Variants in TRPM7 observed in about 807,000 individuals in gnomAD.
The protein encoded by TRPM7 is LTRPC ion channel family member 7.
TRPM7 carries 134 observed loss-of-function variants against 229.7 expected under a neutral mutation model. The ratio of observed to expected loss-of-function variants is 0.58; its 90% CI spans 0.51 to 0.67. The LOEUF (loss-of-function observed/expected upper bound fraction) is 0.67. TRPM7 is among the 30% of genes least tolerant of loss of function. TRPM7 has a pLI of 0.00. For missense variants in TRPM7, 1,901 were observed against 2,210.0 expected (o/e 0.86, Z 2.80); for synonymous variants, 699 against 715.2 (o/e 0.98, Z 0.36).
Position 50,632,858 on chromosome 15 carries a change from A to T in TRPM7, c.1131+11T>A. The stretch of plus-strand genomic sequence containing the variant: ...TATCAGCTTTTTAAATTTCTGCTGA[A>T]ATCTACTTACAAGCTCCTTTCTTTT... On this transcript the variant is annotated intron_variant, in intron 9 of 38. Transcript: ENST00000646667. 6.6e-7 allele frequency: 1 copy of T among 1,509,494 alleles called. No homozygotes were observed. The highest frequency in any genetic ancestry group is 8.8e-7 in the Non-Finnish European group (1 of 1,136,180). 93.5% of individuals were successfully genotyped at this position (1,509,494 alleles called of 1,614,324 possible). A position where few individuals can be genotyped will look rare whatever the true frequency, so the allele number is the denominator to read the frequency against.
intron 1 of TRPM7, among the ~76,000 whole-genome samples, chr15:50,679,391 A>G (rs1042651349): frequency 6.7e-6 from 1 of 148,922 alleles, no homozygotes; most frequent in Non-Finnish European, 1.5e-5. Context: ...AGTAAGCCAT[A>G]TCAACCCATT....
At chr15:50,619,074 T>C (rs1215482043) in intron 13 of TRPM7, among the ~76,000 whole-genome samples, 1 of 152,118 alleles carries the variant, frequency 6.6e-6, no homozygotes, top group Non-Finnish European at 1.5e-5. Flanking sequence ...TCAACATCCT[T>C]TACATTGGGA....
Position 50,560,937 on chromosome 15 carries a change from T to C in TRPM7, c.*741A>G, listed in dbSNP as rs557441328. On this transcript the variant is annotated 3_prime_UTR_variant, in exon 39 of 39. Transcript: ENST00000646667. Reference sequence around the variant, plus strand: ...GTTTCTGCTTTTATAATTTAGGTTATGTATCAGTTTACCATGGCTTTCTTC... The same window carrying C: ...GTTTCTGCTTTTATAATTTAGGTTACGTATCAGTTTACCATGGCTTTCTTC... The C allele has an allele frequency of 1.7e-4, 26 of 152,768 alleles. No homozygotes were observed. The highest frequency in any genetic ancestry group is 6.3e-4 in the African/African-American group (26 of 41,580). 9.5% of individuals were successfully genotyped at this position (152,768 alleles called of 1,614,324 possible). A position where few individuals can be genotyped will look rare whatever the true frequency, so the allele number is the denominator to read the frequency against.
At chr15:50,632,525 T>A (rs1238696706) in intron 9 of TRPM7, among the ~76,000 whole-genome samples, 1 of 152,184 alleles carries the variant, frequency 6.6e-6, no homozygotes, top group Admixed American at 6.5e-5. Context: ...TTAAGCACAT[T>A]AAAAATTTTT....
In TRPM7 at chr15:50,559,497, C is replaced by CAAACAAAACAAAACAAAACA. The variant is rs139381412; in HGVS notation, c.*2161_*2180dup. On this transcript the variant is annotated 3_prime_UTR_variant, in exon 39 of 39. Transcript: ENST00000646667. The stretch of plus-strand genomic sequence containing the variant: ...CATGAGCCACCATGCCCCACCAAGA[C>CAAACAAAACAAAACAAAACA]AAACAAAACAAAACAAAACAAAACA... 1 of 149,578 alleles carries CAAACAAAACAAAACAAAACA rather than the reference C, an allele frequency of 6.7e-6. No individual in the cohort carries two copies. Among genetic ancestry groups the CAAACAAAACAAAACAAAACA allele is most frequent in the African/African-American group, 2.5e-5 (1 of 40,304 alleles). 9.3% of individuals were successfully genotyped at this position (149,578 alleles called of 1,614,324 possible).
intron 5 of TRPM7, among the ~76,000 whole-genome samples, chr15:50,640,165 AACACAC>A (rs201043701): frequency 6.6e-6 from 1 of 151,878 alleles, no homozygotes; most frequent in Admixed American, 6.6e-5. Flanking sequence ...CCATACGCAA[AACACAC>A]ACACACACAA....
intron 11 of TRPM7, among the ~76,000 whole-genome samples, chr15:50,624,905 T>C (rs2060512510): frequency 1.3e-5 from 2 of 152,208 alleles, no homozygotes; most frequent in Non-Finnish European, 2.9e-5. Flanking sequence ...CAGGCAAGAT[T>C]GTACTTAGTC....
chr15:50,585,050 ATTTTT>A (rs755433337), intron 28 of TRPM7, among the ~76,000 whole-genome samples: 2 of 95,060 alleles, frequency 2.1e-5, no homozygotes, highest in Non-Finnish European at 2.0e-5. Flanking sequence ...TAATTTTTGT[ATTTTT>A]TTTTTTTTTT....
intron 27 of TRPM7, among the ~76,000 whole-genome samples, chr15:50,587,403 T>G (rs1266994167): frequency 7.3e-6 from 1 of 137,132 alleles, no homozygotes; most frequent in African/African-American, 2.7e-5. Flanking sequence ...CAATAAATAC[T>G]GCTTTTTTTT....
At chr15:50,672,436 A>G (rs1370439802) in intron 1 of TRPM7, among the ~76,000 whole-genome samples, 1 of 151,700 alleles carries the variant, frequency 6.6e-6, no homozygotes, top group East Asian at 1.9e-4. Context: ...CACTGTTATC[A>G]TAGAAAATGA....
In TRPM7 at chr15:50,662,948, G is replaced by A. The variant is rs1475942238; in HGVS notation, c.83+19C>T. 3.2e-6 allele frequency: 5 copies of A among 1,580,930 alleles called. No homozygotes were observed. The East Asian group carries it at 8.9e-5, about 28-fold the overall frequency. On this transcript the variant is annotated intron_variant, in intron 2 of 38. Transcript: ENST00000646667. ...CTAAAATTTCTAGAAGACCCCAGAA[G>A]TAACAAAGGTGTGCTTACCTGTGAG...
Position 50,631,402 on chromosome 15 carries a change from T to C in TRPM7, c.1204+15A>G. On this transcript the variant is annotated intron_variant, in intron 10 of 38. Transcript: ENST00000646667. ...ATAAAAGGTCTTACAAATAAAAAAG[T>C]TCTTAGAGGCTTACCTTTTAGCAGT... The C allele has an allele frequency of 6.3e-7, 1 of 1,574,858 alleles. No individual in the cohort carries two copies. Among genetic ancestry groups the C allele is most frequent in the Non-Finnish European group, 8.7e-7 (1 of 1,150,406 alleles).
Position 50,605,162 on chromosome 15 carries a change from AC to A in TRPM7, c.2710-19del. The stretch of plus-strand genomic sequence containing the variant: ...ATAAAGATCTAAAGGTTTAACAACA[AC>A]AAAAAAAAGTGTAATCAGTTTATTC... On this transcript the variant is annotated intron_variant, in intron 20 of 38. Transcript: ENST00000646667. 1 of 1,552,224 alleles carries A rather than the reference AC, an allele frequency of 6.4e-7. No homozygotes were observed. The highest frequency in any genetic ancestry group is 8.7e-7 in the Non-Finnish European group (1 of 1,154,784).
intron 1 of TRPM7, among the ~76,000 whole-genome samples, chr15:50,672,059 T>C (rs1445453699): frequency 6.8e-6 from 1 of 147,984 alleles, no homozygotes; most frequent in Non-Finnish European, 1.5e-5. Flanking sequence ...TTGGTTGGTT[T>C]TTGTTTTTGT....
intron 28 of TRPM7, among the ~76,000 whole-genome samples, chr15:50,584,184 A>G (rs1258213928): frequency 2.0e-5 from 3 of 152,238 alleles, no homozygotes; most frequent in Non-Finnish European, 4.4e-5. Context: ...CAGTACAACA[A>G]AGGATAACCT....
In TRPM7 at chr15:50,612,941, C is replaced by T. The variant is rs561277961; in HGVS notation, c.1771-112G>A. 1.3e-5 allele frequency: 11 copies of T among 834,216 alleles called. No individual in the cohort carries two copies. In the African/African-American group the frequency reaches 1.7e-4, roughly 13 times the overall value. 51.7% of individuals were successfully genotyped at this position (834,216 alleles called of 1,614,324 possible). A position where few individuals can be genotyped will look rare whatever the true frequency, so the allele number is the denominator to read the frequency against. On this transcript the variant is annotated intron_variant, in intron 15 of 38. Transcript: ENST00000646667. ...CATTATTCAGCTCCATAAAACTGCA[C>T]AATAGCATAAATTTTATAAACTTGA...
At position 50,574,030 on chromosome 15, in the gene TRPM7, C is replaced by A. The variant is rs887731291; in HGVS notation, c.5308+244G>T. ...TGAGATTGCACCACTACACTCCAGCCTGGGTGACTGAGCAAGACTCCCTCT... is the reference window on the plus strand; with the variant it reads ...TGAGATTGCACCACTACACTCCAGCATGGGTGACTGAGCAAGACTCCCTCT... On this transcript the variant is annotated intron_variant, in intron 36 of 38. Coordinates refer to ENST00000646667, the MANE Select transcript of TRPM7 (RefSeq NM_017672.6). Among the ~76,000 whole-genome samples the A allele has an allele frequency of 2.1e-5, 3 of 142,974 alleles. No homozygotes were observed. In the East Asian group the frequency reaches 6.4e-4, roughly 30 times the overall value. 93.8% of individuals were successfully genotyped at this position (142,974 alleles called of 152,430 possible).
chr15:50,612,473 TG>T lies in TRPM7; in HGVS notation c.2051+75del, dbSNP rs2060087013. ...TATAAATACATCACCATTAAGTACG[TG>T]GCACTGTAACAGCCACTCAAACAAT... On this transcript the variant is annotated intron_variant, in intron 16 of 38. Transcript: ENST00000646667. 3 of 1,293,872 alleles carry T rather than the reference TG, an allele frequency of 2.3e-6. No homozygotes were observed. The East Asian group carries it at 7.0e-5, about 30-fold the overall frequency. 80.1% of individuals were successfully genotyped at this position (1,293,872 alleles called of 1,614,324 possible).
intron 28 of TRPM7, among the ~76,000 whole-genome samples, chr15:50,585,050 A>T (rs8032133): frequency 0.08 from 7,606 of 94,798 alleles, 374 homozygotes; most frequent in Middle Eastern, 0.19. Flanking sequence ...TAATTTTTGT[A>T]TTTTTTTTTT....
Sources: gnomAD v4.1 joint callset for allele counts (sites outside exome capture counted in the v4.1 genomes callset) on GRCh38, gnomAD v4.1.1 for gene constraint, MANE v1.5 for transcripts, NCBI Gene and HGNC (gene_info 2026-07-23, HGNC 2026-07-21) for gene names.